The following CCDC30 variants were observed in gnomAD, a reference collection of about 807,000 sequenced individuals.
CCDC30 encodes coiled-coil domain containing 30, also known as coiled-coil domain-containing protein 30.
A neutral mutation model predicts 100.2 loss-of-function variants in CCDC30; 70 were observed. The ratio of observed to expected loss-of-function variants is 0.70; its 90% CI spans 0.58 to 0.85. The LOEUF (loss-of-function observed/expected upper bound fraction) is 0.85, where lower values mean the gene tolerates loss of function less well. Ranked by LOEUF, CCDC30 falls within the 40% of genes least tolerant of loss-of-function variation. The pLI is 0.00. For missense variants in CCDC30, 652 were observed against 771.2 expected (o/e 0.85, Z 1.83); for synonymous variants, 233 against 269.5 (o/e 0.86, Z 1.33).
intron 6 of CCDC30, chr1:42,500,453 G>T: frequency 1.4e-6 from 1 of 698,264 alleles, no homozygotes; most frequent in South Asian, 1.6e-5. Flanking sequence ...TCGCTCTGTC[G>T]CCCAGGCTAG....
chr1:42,554,586 G>A (rs1028979641), intron 6 of CCDC30, among the ~76,000 whole-genome samples: 8 of 152,056 alleles, frequency 5.3e-5, no homozygotes, highest in Non-Finnish European at 1.2e-4. Context: ...CATGGCTCTT[G>A]ATCTGTACTG....
intron 3 of CCDC30, among the ~76,000 whole-genome samples, chr1:42,484,430 G>A (rs1459239859): frequency 1.3e-5 from 2 of 152,210 alleles, no homozygotes; most frequent in East Asian, 3.8e-4. Flanking sequence ...AGGATATTCA[G>A]TACCCTTAGT....
chr1:42,604,738 G>C (rs1646470888), intron 10 of CCDC30, among the ~76,000 whole-genome samples: 1 of 152,126 alleles, frequency 6.6e-6, no homozygotes, highest in African/African-American at 2.4e-5. Flanking sequence ...GTCCTCTTAG[G>C]GGAATGTTTG....
chr1:42,597,636 A>C (rs1377790455), intron 10 of CCDC30, among the ~76,000 whole-genome samples: 1 of 151,504 alleles, frequency 6.6e-6, no homozygotes, highest in Admixed American at 6.6e-5. Context: ...TCCCTACAAA[A>C]AAAAAAAGTT....
intron 9 of CCDC30, among the ~76,000 whole-genome samples, chr1:42,588,200 C>T (rs1256268763): frequency 3.9e-5 from 6 of 152,114 alleles, no homozygotes; most frequent in Non-Finnish European, 2.9e-5. Context: ...TGGGAGGGTA[C>T]ATTTCTACAT....
At chr1:42,480,628 T>C in intron 2 of CCDC30, 62 bp downstream of exon 2, 1 of 985,120 alleles carries the variant, frequency 1.0e-6, no homozygotes, top group Non-Finnish European at 1.2e-6. Context: ...TATGTACGTT[T>C]CATTTATATA....
intron 10 of CCDC30, among the ~76,000 whole-genome samples, chr1:42,603,338 GC>G (rs1318096840): frequency 6.6e-6 from 1 of 152,182 alleles, no homozygotes; most frequent in African/African-American, 2.4e-5. Flanking sequence ...TGAGGACAGA[GC>G]CCTCATGACT....
At chr1:42,565,678 C>T (rs1232088302) in intron 6 of CCDC30, among the ~76,000 whole-genome samples, 3 of 152,170 alleles carry the variant, frequency 2.0e-5, no homozygotes, top group Non-Finnish European at 2.9e-5. Flanking sequence ...AGCAATTCCG[C>T]TTCCAGGTAT....
At chr1:42,642,150 T>C (rs974253834) in intron 12 of CCDC30, among the ~76,000 whole-genome samples, 23 of 152,038 alleles carry the variant, frequency 1.5e-4, no homozygotes, top group Non-Finnish European at 2.6e-4. Context: ...GGCATGAACC[T>C]GGGAGGTGGA....
intron 1 of CCDC30, among the ~76,000 whole-genome samples, chr1:42,471,900 C>A (rs1375872741): frequency 6.6e-6 from 1 of 152,048 alleles, no homozygotes; most frequent in African/African-American, 2.4e-5. Flanking sequence ...TTTTAAAAAG[C>A]AAAATAGTAT....
chr1:42,615,947 G>A (rs1469987372), intron 11 of CCDC30, among the ~76,000 whole-genome samples: 11 of 150,804 alleles, frequency 7.3e-5, no homozygotes, highest in Admixed American at 4.6e-4. Flanking sequence ...ATGGAGTCTC[G>A]CTCTGTCACC....
intron 6 of CCDC30, among the ~76,000 whole-genome samples, chr1:42,543,894 T>C (rs1348029806): frequency 6.6e-6 from 1 of 152,232 alleles, no homozygotes; most frequent in African/African-American, 2.4e-5. Context: ...TAAACTTAAA[T>C]TGATCTTTAT....
intron 6 of CCDC30, among the ~76,000 whole-genome samples, chr1:42,512,106 G>T (rs1384627898): frequency 6.6e-6 from 1 of 152,230 alleles, no homozygotes; most frequent in Admixed American, 6.5e-5. Flanking sequence ...GTTATCTGCA[G>T]CATGAACATG....
chr1:42,470,158 G>A (rs932954583), intron 1 of CCDC30, among the ~76,000 whole-genome samples: 1 of 152,170 alleles, frequency 6.6e-6, no homozygotes, highest in Non-Finnish European at 1.5e-5. Context: ...AGGCTTGAGG[G>A]GCAAACAAGT....
At chr1:42,641,866 A>AAAAC (rs984916378) in intron 12 of CCDC30, among the ~76,000 whole-genome samples, 1 of 152,076 alleles carries the variant, frequency 6.6e-6, no homozygotes. Context: ...AAAACAAAAC[A>AAAAC]AAACAAACAA....
exon 15 of CCDC30, chr1:42,646,152 T>C: frequency 6.3e-7 from 1 of 1,591,992 alleles, no homozygotes; most frequent in Non-Finnish European, 8.5e-7. Flanking sequence ...AGGAGTTTCC[T>C]GTTCCAAAAT....
intron 6 of CCDC30, among the ~76,000 whole-genome samples, chr1:42,551,654 T>C (rs1645254023): frequency 6.6e-6 from 1 of 152,110 alleles, no homozygotes; most frequent in Admixed American, 6.5e-5. Context: ...TACATACTAT[T>C]AGGTATTACT....
intron 1 of CCDC30, chr1:42,473,181 T>G (rs551655057): frequency 4.1e-4 from 510 of 1,230,938 alleles, no homozygotes; most frequent in Non-Finnish European, 5.1e-4. Context: ...TCAATCCCCT[T>G]GCTACTACAG....
the CCDC30 span, chr1:42,456,385 T>C: frequency 4.2e-6 from 3 of 722,422 alleles, no homozygotes; most frequent in South Asian, 4.0e-5. Context: ...AGTGTCACTT[T>C]CGCTGGGCTC....
Sources: gnomAD v4.1 joint callset for allele counts (sites outside exome capture counted in the v4.1 genomes callset) on GRCh38, gnomAD v4.1.1 for gene constraint, MANE v1.5 for transcripts, NCBI Gene and HGNC (gene_info 2026-07-23, HGNC 2026-07-21) for gene names.